FTCDNL1: variants seen among roughly 807,000 people sequenced by gnomAD.
The protein encoded by FTCDNL1 is formiminotransferase N-terminal subdomain-containing protein.
In FTCDNL1, 11 loss-of-function variants were observed where a neutral mutation model predicts 5.9. The observed-to-expected ratio is 1.87, with a 90% CI of 1.18 to 3.10. The LOEUF is 3.10. Among genes scored for constraint, FTCDNL1 ranks in the 30% most tolerant of loss-of-function variants. The pLI is 0.00. For missense variants in FTCDNL1, 115 were observed against 65.5 expected (o/e 1.76, Z -2.61); for synonymous variants, 58 against 24.8 (o/e 2.34, Z -3.99).
downstream of FTCDNL1, chr2:199,760,528 T>A (rs1030467187): frequency 4.5e-5 from 18 of 399,014 alleles, no homozygotes; most frequent in East Asian, 7.1e-4. Flanking sequence ...TCCAATTTTA[T>A]AAACAAATTA....
intron 3 of FTCDNL1, among the ~76,000 whole-genome samples, chr2:199,762,323 G>A (rs1559166661): frequency 1.3e-5 from 2 of 152,166 alleles, no homozygotes; most frequent in African/African-American, 2.4e-5. Context: ...AGGTTGCGGT[G>A]AGCCAAGATC....
At chr2:199,767,270 T>C (rs925209383) in intron 3 of FTCDNL1, among the ~76,000 whole-genome samples, 2 of 152,218 alleles carry the variant, frequency 1.3e-5, no homozygotes, top group African/African-American at 4.8e-5. Flanking sequence ...AGTTTTCAGG[T>C]AGTCTGAGAA....
At chr2:199,698,085 C>T in the FTCDNL1 span, among the ~76,000 whole-genome samples, 1 of 152,220 alleles carries the variant, frequency 6.6e-6, no homozygotes, top group East Asian at 1.9e-4. Context: ...GAAGACTCAA[C>T]TGTCCTAAAT....
At chr2:199,785,896 C>T (rs1446179699) in intron 3 of FTCDNL1, among the ~76,000 whole-genome samples, 2 of 152,128 alleles carry the variant, frequency 1.3e-5, no homozygotes, top group Non-Finnish European at 2.9e-5. Flanking sequence ...GACAATTTTT[C>T]CATGGATGGC....
chr2:199,800,134 C>T (rs888037792), intron 3 of FTCDNL1, among the ~76,000 whole-genome samples: 3 of 152,062 alleles, frequency 2.0e-5, no homozygotes, highest in Admixed American at 6.5e-5. Context: ...TGTAACCTAC[C>T]CTGGTGATCT....
chr2:199,754,443 C>A, the FTCDNL1 span, among the ~76,000 whole-genome samples: 1 of 152,106 alleles, frequency 6.6e-6, no homozygotes, highest in Admixed American at 6.5e-5. Flanking sequence ...GGTGGCCCTG[C>A]AGATGGGAGG....
chr2:199,789,326 A>G (rs540100073), intron 3 of FTCDNL1, among the ~76,000 whole-genome samples: 1 of 152,306 alleles, frequency 6.6e-6, no homozygotes, highest in East Asian at 1.9e-4. Context: ...TTTAATGGTA[A>G]CAAATACATC....
At chr2:199,803,807 G>T (rs1700588428) in intron 3 of FTCDNL1, among the ~76,000 whole-genome samples, 1 of 152,142 alleles carries the variant, frequency 6.6e-6, no homozygotes, top group Non-Finnish European at 1.5e-5. Context: ...TAAACCTACA[G>T]GTATGGGATA....
downstream of FTCDNL1, among the ~76,000 whole-genome samples, chr2:199,805,537 G>A (rs536792540): frequency 7.9e-5 from 12 of 152,166 alleles, no homozygotes; most frequent in African/African-American, 2.7e-4. Flanking sequence ...TCAGGAGTTC[G>A]AGACCAGCCT....
At chr2:199,673,160 T>C in the FTCDNL1 span, among the ~76,000 whole-genome samples, 3 of 151,672 alleles carry the variant, frequency 2.0e-5, no homozygotes, top group Admixed American at 6.6e-5. Context: ...AAACCCCGTC[T>C]CTACTAAAAA....
the FTCDNL1 span, among the ~76,000 whole-genome samples, chr2:199,698,926 A>G: frequency 6.6e-6 from 1 of 152,180 alleles, no homozygotes; most frequent in African/African-American, 2.4e-5. Flanking sequence ...GAGAAATGGC[A>G]AAGGGGATAT....
chr2:199,691,539 C>T, the FTCDNL1 span, among the ~76,000 whole-genome samples: 4 of 152,300 alleles, frequency 2.6e-5, no homozygotes, highest in East Asian at 7.7e-4. Context: ...TCACTTCTAA[C>T]CATGTCAATA....
At chr2:199,848,496 A>C (rs2076788969) in intron 2 of FTCDNL1, among the ~76,000 whole-genome samples, 1 of 152,244 alleles carries the variant, frequency 6.6e-6, no homozygotes, top group Admixed American at 6.5e-5. Flanking sequence ...CATTCTATTA[A>C]TGATCAAATA....
At chr2:199,713,682 AT>A in the FTCDNL1 span, among the ~76,000 whole-genome samples, 2 of 152,212 alleles carry the variant, frequency 1.3e-5, no homozygotes, top group African/African-American at 4.8e-5. Flanking sequence ...CATTTTTACT[AT>A]GATAGAATTT....
At chr2:199,755,793 GGAT>G (rs1338291082), downstream of FTCDNL1, among the ~76,000 whole-genome samples, 1 of 152,024 alleles carries the variant, frequency 6.6e-6, no homozygotes, top group Admixed American at 6.5e-5. Flanking sequence ...TATAAATAAG[GGAT>G]GATAATACAT....
In FTCDNL1 at chr2:199,767,713, A is replaced by C. The variant is rs115278126; in HGVS notation, c.212-6878T>G. 6.0e-3 allele frequency among the ~76,000 whole-genome samples: 909 copies of C among 152,254 alleles called. 6 individuals are homozygous for C. Among genetic ancestry groups the C allele is most frequent in the African/African-American group, 0.019 (809 of 41,540 alleles). Reference sequence around the variant, plus strand: ...ACATAGCATCTGTCACCTCCAGAAGAAGCAGCAACAGACATGGTCTTGGAA... The same window carrying C: ...ACATAGCATCTGTCACCTCCAGAAGCAGCAGCAACAGACATGGTCTTGGAA... On this transcript the variant is annotated intron_variant, in intron 3 of 3. Transcript: ENST00000416668.
the FTCDNL1 span, among the ~76,000 whole-genome samples, chr2:199,738,906 G>A: frequency 6.6e-6 from 1 of 152,118 alleles, no homozygotes; most frequent in Admixed American, 6.5e-5. Flanking sequence ...TTAACTCAGA[G>A]GATTGCACAA....
At chr2:199,768,335 C>T (rs1375412603) in intron 3 of FTCDNL1, among the ~76,000 whole-genome samples, 1 of 152,042 alleles carries the variant, frequency 6.6e-6, no homozygotes, top group African/African-American at 2.4e-5. Flanking sequence ...CATATTCCCC[C>T]GTGAGTTATT....
intron 3 of FTCDNL1, among the ~76,000 whole-genome samples, chr2:199,761,304 C>G (rs1012458900): frequency 6.6e-6 from 1 of 152,184 alleles, no homozygotes; most frequent in Non-Finnish European, 1.5e-5. Context: ...TTGGCAGAGG[C>G]GATCTGCCAT....
Sources: gnomAD v4.1 joint callset for allele counts (sites outside exome capture counted in the v4.1 genomes callset) on GRCh38, gnomAD v4.1.1 for gene constraint, MANE v1.5 for transcripts, NCBI Gene and HGNC (gene_info 2026-07-23, HGNC 2026-07-21) for gene names.